RHBDL3: variants seen among roughly 807,000 people sequenced by gnomAD.
The protein encoded by RHBDL3 is rhomboid-related protein 3.
RHBDL3 carries 28 observed loss-of-function variants against 48.2 expected under a neutral mutation model. The ratio of observed to expected loss-of-function variants is 0.58; its 90% CI spans 0.43 to 0.80. The LOEUF is 0.80. Among genes scored for constraint, RHBDL3 ranks in the 30% least tolerant of loss-of-function variants. The pLI is 0.00. For synonymous variants in RHBDL3, 208 were observed against 232.3 expected, an observed-to-expected ratio of 0.90 and a Z score of 0.95; for missense variants, 464 against 542.7, an observed-to-expected ratio of 0.85 and a Z score of 1.44.
intron 7 of RHBDL3, among the ~76,000 whole-genome samples, chr17:32,310,510 C>T (rs564970276): frequency 3.3e-5 from 5 of 152,110 alleles, no homozygotes; most frequent in African/African-American, 1.2e-4. Context: ...GTCAGGAGTT[C>T]GAGACCAGCC....
chr17:32,276,646 T>TACTCCAGCCCTAGCACCGG (rs2039906060), intron 2 of RHBDL3, among the ~76,000 whole-genome samples: 1 of 151,494 alleles, frequency 6.6e-6, no homozygotes, highest in Non-Finnish European at 1.5e-5. Context: ...CCTAGCACCG[T>TACTCCAGCCCTAGCACCGG]ACTCCAGCCC....
intron 2 of RHBDL3, 67 bp from the exon 3 acceptor site, chr17:32,284,592 G>A: frequency 1.3e-6 from 2 of 1,497,250 alleles, no homozygotes; most frequent in East Asian, 2.3e-5. Flanking sequence ...GGAGATCAGG[G>A]CACCCACATC....
chr17:32,287,443 A>C (rs751265727), intron 3 of RHBDL3, among the ~76,000 whole-genome samples: 1 of 152,088 alleles, frequency 6.6e-6, no homozygotes, highest in African/African-American at 2.4e-5. Flanking sequence ...GCATGGAGAG[A>C]ATGGGGATAG....
chr17:32,323,911 C>G lies in RHBDL3; in HGVS notation c.*2682C>G, dbSNP rs2041200470. 6.5e-6 allele frequency: 1 copy of G among 152,750 alleles called. No homozygotes were observed. The highest frequency in any genetic ancestry group is 2.1e-4 in the South Asian group (1 of 4,840). The allele number at this position is 152,750 out of a possible 1,614,324, so 9.5% of individuals were successfully genotyped here. A position where few individuals can be genotyped will look rare whatever the true frequency, so the allele number is the denominator to read the frequency against. ...GCAGCTGTCTGGTCAGAGGGGTTCT[C>G]TTTGTGGCATCTGGCTTTCTCCTCA... is the stretch of plus-strand genomic sequence containing the variant. On this transcript the variant is annotated 3_prime_UTR_variant, in exon 9 of 9. Coordinates refer to ENST00000269051, the MANE Select transcript of RHBDL3 (RefSeq NM_138328.3).
Position 32,321,852 on chromosome 17 carries a change from G to A in RHBDL3, c.*623G>A, listed in dbSNP as rs1437219861. On this transcript the variant is annotated 3_prime_UTR_variant, in exon 9 of 9. Coordinates refer to ENST00000269051, the MANE Select transcript of RHBDL3 (RefSeq NM_138328.3). ...GTTGGGCAGAGCAGGGAGCCTGTAGGCTCTAGGACCCCTCTTGTGCTGGGG... is the reference window on the plus strand; with the variant it reads ...GTTGGGCAGAGCAGGGAGCCTGTAGACTCTAGGACCCCTCTTGTGCTGGGG... The A allele has an allele frequency of 6.0e-6, 1 of 166,282 alleles. No homozygotes were observed. The highest frequency in any genetic ancestry group is 1.3e-5 in the Non-Finnish European group (1 of 75,314). 10.3% of individuals were successfully genotyped at this position (166,282 alleles called of 1,614,324 possible).
In RHBDL3 at chr17:32,284,824, G is replaced by A. The variant is rs774173395; in HGVS notation, c.294+7G>A. ...CCAGGATTTTGTCAGCCTAGTGAGT[G>A]CTCTGGGGCCCTTGGTACTCGGGGG... On this transcript the variant is annotated splice_region_variant and intron_variant, in intron 3 of 8. Transcript: ENST00000269051. 1 of 1,612,670 alleles carries A rather than the reference G, an allele frequency of 6.2e-7. No homozygotes were observed. The highest frequency in any genetic ancestry group is 1.7e-5 in the Admixed American group (1 of 60,020).
intron 2 of RHBDL3, among the ~76,000 whole-genome samples, chr17:32,281,286 G>A (rs2040036761): frequency 6.6e-6 from 1 of 152,080 alleles, no homozygotes; most frequent in Non-Finnish European, 1.5e-5. Flanking sequence ...AGATTGAGGG[G>A]GAGAGCAGGT....
chr17:32,313,796 G>A (rs1210497582), intron 7 of RHBDL3, among the ~76,000 whole-genome samples: 5 of 123,668 alleles, frequency 4.0e-5, no homozygotes, highest in African/African-American at 6.2e-5. Flanking sequence ...TCACTCTGTC[G>A]TCCAGGCTGG....
chr17:32,284,742 CA>C lies in RHBDL3; in HGVS notation c.223del (p.Arg75GlyfsTer24), dbSNP rs765564300. The stretch of plus-strand genomic sequence containing the variant: ...GCCACAGCTCCAAGCTGGACCCGCA[CA>C]AAAGGGAGGTCCTCCTGGCTCTTGC... ...ESHSSKLDPH[K>X]REVLLALADS... On this transcript the variant is annotated frameshift_variant, in exon 3 of 9. Coordinates refer to ENST00000269051, the MANE Select transcript of RHBDL3 (RefSeq NM_138328.3). LOFTEE classifies it high-confidence loss of function. The C allele has an allele frequency of 6.8e-6, 11 of 1,613,936 alleles. No homozygotes were observed. The highest frequency in any genetic ancestry group is 9.3e-6 in the Non-Finnish European group (11 of 1,179,924).
intron 2 of RHBDL3, among the ~76,000 whole-genome samples, chr17:32,276,966 C>T (rs931620227): frequency 2.0e-5 from 3 of 149,400 alleles, no homozygotes; most frequent in Non-Finnish European, 3.0e-5. Flanking sequence ...AGCCCTAGCA[C>T]AGTACTGCAG....
At chr17:32,302,376 A>G (rs2040603109) in intron 6 of RHBDL3, among the ~76,000 whole-genome samples, 1 of 151,696 alleles carries the variant, frequency 6.6e-6, no homozygotes, top group Non-Finnish European at 1.5e-5. Flanking sequence ...GTTTTTTTTG[A>G]GACGAAGTCT....
chr17:32,317,902 T>A (rs1038383415), intron 8 of RHBDL3, among the ~76,000 whole-genome samples: 2 of 151,456 alleles, frequency 1.3e-5, no homozygotes, highest in African/African-American at 4.9e-5. Context: ...AAGAGATGAG[T>A]CTGAACAGAA....
At chr17:32,293,348 G>A (rs2015104) in intron 4 of RHBDL3, among the ~76,000 whole-genome samples, 36,007 of 151,834 alleles carry the variant, frequency 0.24, 4,720 homozygotes, top group African/African-American at 0.35. Flanking sequence ...TTGGGAGGCC[G>A]AGGTGGGCAG....
chr17:32,313,698 G>A (rs182244308), intron 7 of RHBDL3, among the ~76,000 whole-genome samples: 2 of 149,522 alleles, frequency 1.3e-5, no homozygotes, highest in East Asian at 3.9e-4. Context: ...ATTTCACTTA[G>A]CGTAAGGTCC....
intron 5 of RHBDL3, among the ~76,000 whole-genome samples, chr17:32,295,577 G>A (rs2040427141): frequency 6.6e-6 from 1 of 152,192 alleles, no homozygotes; most frequent in Non-Finnish European, 1.5e-5. Context: ...GGCTGCACGT[G>A]GGTTGGGACT....
In RHBDL3 at chr17:32,321,449, G is replaced by A. The variant is rs1253467191; in HGVS notation, c.*220G>A. On this transcript the variant is annotated 3_prime_UTR_variant, in exon 9 of 9. Coordinates refer to ENST00000269051, the MANE Select transcript of RHBDL3 (RefSeq NM_138328.3). ...GATGTGGCTGCTGTCGTTTTTCTCG[G>A]CTGCTCTGATGACATCGGGCCAGGG... The A allele has an allele frequency of 8.1e-6, 11 of 1,364,414 alleles. No individual in the cohort carries two copies. The highest frequency in any genetic ancestry group is 6.3e-5 in the Admixed American group (3 of 47,686). 84.5% of individuals were successfully genotyped at this position (1,364,414 alleles called of 1,614,324 possible).
chr17:32,285,406 C>A (rs1228639225), intron 3 of RHBDL3, among the ~76,000 whole-genome samples: 1 of 151,738 alleles, frequency 6.6e-6, no homozygotes, highest in Admixed American at 6.6e-5. Flanking sequence ...GAGTGGGGGC[C>A]GGGAGGGTCA....
chr17:32,298,136 G>C lies in RHBDL3; in HGVS notation c.713G>C (p.Gly238Ala), dbSNP rs747341218. The C allele has an allele frequency of 6.2e-7, 1 of 1,614,070 alleles. No homozygotes were observed. The highest frequency in any genetic ancestry group is 1.1e-5 in the South Asian group (1 of 91,060). Residue 238 changes from glycine to alanine, a missense_variant, in exon 6 of 9, where the codon GGG (glycine) becomes GCG (alanine). Gly to Ala is a moderately conservative substitution (Grantham distance 60). Coordinates refer to ENST00000269051, the MANE Select transcript of RHBDL3 (RefSeq NM_138328.3). ...AATGTGGTGCTGCAGCTGCTGGTGG[G>C]GGTGCCCCTGGAGATGGTGCATGGA... ...GLNVVLQLLV[G>A]VPLEMVHGAT...
chr17:32,303,357 C>T (rs1016087573), intron 6 of RHBDL3, among the ~76,000 whole-genome samples: 1 of 152,182 alleles, frequency 6.6e-6, no homozygotes, highest in East Asian at 1.9e-4. Flanking sequence ...GGGCAGCCAG[C>T]CCTCATTGTA....
Sources: allele counts gnomAD v4.1 joint callset (sites outside exome capture counted in the v4.1 genomes callset), GRCh38; gene constraint gnomAD v4.1.1; transcripts MANE v1.5; gene names NCBI Gene and HGNC (gene_info 2026-07-23, HGNC 2026-07-21).